Variants in TMEM218 observed in about 807,000 individuals in gnomAD.
TMEM218 encodes the protein transmembrane protein 218.
A neutral mutation model predicts 10.0 loss-of-function variants in TMEM218; 8 were observed. The observed-to-expected ratio is 0.80, with a 90% CI of 0.47 to 1.44. The LOEUF (loss-of-function observed/expected upper bound fraction) is 1.44, where lower values mean the gene tolerates loss of function less well. Among genes scored for constraint, TMEM218 ranks in the 40% most tolerant of loss-of-function variants. The probability of loss-of-function intolerance (pLI) is 0.00; values close to 1 mark genes in which losing one functional copy is unlikely to be tolerated. For missense variants in TMEM218, 110 were observed against 140.1 expected, an observed-to-expected ratio of 0.79 and a Z score of 1.08; for synonymous variants, 66 against 63.5, an observed-to-expected ratio of 1.04 and a Z score of -0.18.
chr11:125,101,392 A>C (rs1452241812), intron 3 of TMEM218, 89 bp from the exon 4 acceptor site: 4 of 1,513,086 alleles, frequency 2.6e-6, no homozygotes, highest in Non-Finnish European at 3.6e-6. Context: ...CTTGGAGCCA[A>C]TATTCTATGT....
At chr11:125,097,814 T>A in intron 4 of TMEM218, 74 bp from the exon 5 acceptor site, 1 of 1,453,390 alleles carries the variant, frequency 6.9e-7, no homozygotes, top group African/African-American at 1.4e-5. Flanking sequence ...AACTCCATGA[T>A]GAGTGGGCCA....
intron 1 of TMEM218, among the ~76,000 whole-genome samples, chr11:125,105,785 CAG>C (rs928085899): frequency 3.3e-5 from 5 of 149,706 alleles, no homozygotes; most frequent in African/African-American, 1.2e-4. Flanking sequence ...ATAAAGAAAA[CAG>C]AAAGTGGGGC....
rs536568134 is a variant in TMEM218 at position 125,095,517 on chromosome 11, T to G, written c.*2089A>C. ...CGGGGCTTTTTTTGCATAACTGCAT[T>G]GAGTATGCAGGTAGAAAGAAATCTA... On this transcript the variant is annotated 3_prime_UTR_variant, in exon 5 of 5. Transcript: ENST00000682305. 2.5e-4 allele frequency among the ~76,000 whole-genome samples: 38 copies of G among 152,286 alleles called. No individual in the cohort carries two copies. The highest frequency in any genetic ancestry group is 8.9e-4 in the African/African-American group (37 of 41,550).
intron 1 of TMEM218, among the ~76,000 whole-genome samples, chr11:125,105,281 A>G (rs1591407141): frequency 6.6e-6 from 1 of 152,222 alleles, no homozygotes; most frequent in Non-Finnish European, 1.5e-5. Context: ...AAACTAGACT[A>G]AAAGTGAGAA....
chr11:125,101,380 T>C, intron 3 of TMEM218, 77 bp from the exon 4 acceptor site: 1 of 1,522,110 alleles, frequency 6.6e-7, no homozygotes, highest in Non-Finnish European at 8.9e-7. Flanking sequence ...GACAGTCTCT[T>C]CCTTGGAGCC....
chr11:125,107,245 T>C (rs879451690), intron 1 of TMEM218, among the ~76,000 whole-genome samples: 3 of 152,152 alleles, frequency 2.0e-5, no homozygotes, highest in Non-Finnish European at 2.9e-5. Context: ...TGTTTCTTGA[T>C]CTGGGTTTTG....
At chr11:125,103,007 T>G (rs941472064) in intron 1 of TMEM218, 198 bp from the exon 2 acceptor site, 2 of 240,996 alleles carry the variant, frequency 8.3e-6, no homozygotes, top group African/African-American at 4.6e-5. Context: ...AATAGAAATT[T>G]ATTTTCTCAC....
Position 125,097,530 on chromosome 11 carries a change from T to A in TMEM218, c.*76A>T, listed in dbSNP as rs1949802982. On this transcript the variant is annotated 3_prime_UTR_variant, in exon 5 of 5. Coordinates refer to ENST00000682305, the MANE Select transcript of TMEM218 (RefSeq NM_001258244.2). ...GGCATGAGGGCTGTCAAAACAAGGC[T>A]CTGAATAGTGCCTTCCTGCTCATCA... 1.3e-6 allele frequency: 2 copies of A among 1,527,928 alleles called. No individual in the cohort carries two copies. The highest frequency in any genetic ancestry group is 3.6e-5 in the Admixed American group (2 of 55,878). The allele number at this position is 1,527,928 out of a possible 1,614,324, so 94.6% of individuals were successfully genotyped here.
chr11:125,096,362 CTCAA>C lies in TMEM218; in HGVS notation c.*1240_*1243del, dbSNP rs909096352. Among the ~76,000 whole-genome samples the C allele has an allele frequency of 5.3e-5, 8 of 152,300 alleles. No individual in the cohort carries two copies. Among genetic ancestry groups the C allele is most frequent in the Non-Finnish European group, 1.2e-4 (8 of 68,030 alleles). ...GTGTGGCCTTAACCTACCTGAAGCT[CTCAA>C]TCAGAGTTCCACAAACCCTAGTGTG... On this transcript the variant is annotated 3_prime_UTR_variant, in exon 5 of 5. Transcript: ENST00000682305.
At chr11:125,104,476 A>G (rs1050341107) in intron 1 of TMEM218, 2 of 152,260 alleles carry the variant, frequency 1.3e-5, no homozygotes, top group African/African-American at 4.8e-5. Flanking sequence ...GTAACCCCTC[A>G]AACACTGACT....
intron 4 of TMEM218, among the ~76,000 whole-genome samples, chr11:125,100,741 T>C (rs745336210): frequency 1.3e-5 from 2 of 152,148 alleles, no homozygotes; most frequent in Non-Finnish European, 2.9e-5. Context: ...TTCTAGCACA[T>C]GCAGTTGGAG....
In TMEM218 at chr11:125,097,712, T is replaced by C. The variant is rs1279775335; in HGVS notation, c.242A>G (p.Tyr81Cys). Residue 81 changes from tyrosine to cysteine, a missense_variant, in exon 5 of 5, where the codon TAT (tyrosine) becomes TGT (cysteine). Physicochemically the swap from Tyr to Cys is radical, Grantham distance 194. Coordinates refer to ENST00000682305, the MANE Select transcript of TMEM218 (RefSeq NM_001258244.2). ...KIVDDFFIGR[Y>C]VLLAFLSAIF... ...GGCACTAAGGAAAGCCAGCAGGACATAGCGGCCAATGAAAAAGTCATCCAC... is the reference window on the plus strand; with the variant it reads ...GGCACTAAGGAAAGCCAGCAGGACACAGCGGCCAATGAAAAAGTCATCCAC... 3.1e-6 allele frequency: 5 copies of C among 1,613,736 alleles called. No individual in the cohort carries two copies. Among genetic ancestry groups the C allele is most frequent in the Non-Finnish European group, 4.2e-6 (5 of 1,179,950 alleles).
chr11:125,096,854 T>A lies in TMEM218; in HGVS notation c.*752A>T, dbSNP rs896853961. On this transcript the variant is annotated 3_prime_UTR_variant, in exon 5 of 5. Coordinates refer to ENST00000682305, the MANE Select transcript of TMEM218 (RefSeq NM_001258244.2). ...AAAGTGAAGACACCCCAAAATGGACTCATGGTAATTAAATAAGGCACACAC... is the reference window on the plus strand; with the variant it reads ...AAAGTGAAGACACCCCAAAATGGACACATGGTAATTAAATAAGGCACACAC... 6.6e-6 allele frequency: 1 copy of A among 152,102 alleles called. No individual in the cohort carries two copies. The highest frequency in any genetic ancestry group is 1.5e-5 in the Non-Finnish European group (1 of 68,032). 9.4% of individuals were successfully genotyped at this position (152,102 alleles called of 1,614,324 possible).
Position 125,107,678 on chromosome 11 carries a change from C to T in TMEM218, c.-153+3861G>A, listed in dbSNP as rs151245600. On this transcript the variant is annotated intron_variant, in intron 1 of 4. Transcript: ENST00000682305. ...AGGAGGTGAAGGGGCTGACATGAAACAAGACTGGTCATGAGCTAGTTGTTG... is the reference window on the plus strand; with the variant it reads ...AGGAGGTGAAGGGGCTGACATGAAATAAGACTGGTCATGAGCTAGTTGTTG... 9.7e-3 allele frequency among the ~76,000 whole-genome samples: 1,474 copies of T among 151,966 alleles called. 23 individuals carry two copies. The highest frequency in any genetic ancestry group is 0.034 in the African/African-American group (1,401 of 41,448).
chr11:125,106,379 C>G (rs1433730911), intron 1 of TMEM218, among the ~76,000 whole-genome samples: 4 of 152,066 alleles, frequency 2.6e-5, no homozygotes, highest in Non-Finnish European at 4.4e-5. Context: ...TAAAAAGATA[C>G]AACCTGAAAC....
rs773191524 is a variant in TMEM218 at position 125,102,213 on chromosome 11, G to A, written c.29C>T (p.Ala10Val). The part of the protein sequence containing the change: MAGTVLGVG[A>V]GVFILALLWV... ...GAGCAGGGCTAAGATGAACACGCCC[G>A]CACCGACTCCGAGCACAGTGCCAGC... Residue 10 changes from alanine to valine, a missense_variant, in exon 3 of 5, where the codon GCG becomes GTG. By Grantham distance (64) the Ala-to-Val change is moderately conservative (BLOSUM62 0). Transcript: ENST00000682305. 2.7e-5 allele frequency: 43 copies of A among 1,612,914 alleles called. No homozygotes were observed. The highest frequency in any genetic ancestry group is 8.3e-5 in the Admixed American group (5 of 59,906).
At chr11:125,097,771 C>T (rs778198506) in intron 4 of TMEM218, 31 bp from the exon 5 acceptor site, 2 of 1,608,234 alleles carry the variant, frequency 1.2e-6, no homozygotes, top group East Asian at 2.2e-5. Flanking sequence ...AATGAAATTA[C>T]TACCAGTTAG....
rs780442137 is a variant in TMEM218, at chr11:125,097,554, C to T, written c.*52G>A. 181 of 1,597,512 alleles carry T rather than the reference C, an allele frequency of 1.1e-4. No individual in the cohort carries two copies. Among genetic ancestry groups the T allele is most frequent in the Admixed American group, 2.0e-4 (12 of 58,906 alleles). On this transcript the variant is annotated 3_prime_UTR_variant, in exon 5 of 5. Transcript: ENST00000682305. ...CTCTGAATAGTGCCTTCCTGCTCAT[C>T]AATGTCATCACAATGAAGGAGAGAA...
intron 3 of TMEM218, chr11:125,101,605 C>A (rs913753174): frequency 2.3e-6 from 2 of 856,702 alleles, no homozygotes; most frequent in African/African-American, 3.4e-5. Context: ...CTCTCCACCT[C>A]CACTTCTGTT....
Sources: allele counts gnomAD v4.1 joint callset (sites outside exome capture counted in the v4.1 genomes callset), GRCh38; gene constraint gnomAD v4.1.1; transcripts MANE v1.5; gene names NCBI Gene and HGNC (gene_info 2026-07-23, HGNC 2026-07-21).